LRBA: variants seen among roughly 807,000 people sequenced by gnomAD.
The protein encoded by LRBA is LPS responsive beige-like anchor protein, also known as lipopolysaccharide-responsive and beige-like anchor protein.
A neutral mutation model predicts 330.0 loss-of-function variants in LRBA; 176 were observed. The ratio of observed to expected loss-of-function variants is 0.53; its 90% CI spans 0.47 to 0.60. LRBA has a LOEUF of 0.60. LRBA is among the 20% of genes least tolerant of loss of function. LRBA has a pLI of 0.00. For synonymous variants in LRBA, 1,230 were observed against 1,193.0 expected, an observed-to-expected ratio of 1.03 and a Z score of -0.64; for missense variants, 3,259 against 3,444.8, an observed-to-expected ratio of 0.95 and a Z score of 1.35.
chr4:150,535,139 G>A (rs1269852046), intron 40 of LRBA, among the ~76,000 whole-genome samples: 1 of 151,750 alleles, frequency 6.6e-6, no homozygotes, highest in Non-Finnish European at 1.5e-5. Flanking sequence ...GTATTATTTT[G>A]TTTTGTTTTT....
intron 56 of LRBA, 67 bp downstream of exon 56, chr4:150,277,786 G>T: frequency 6.7e-7 from 1 of 1,483,210 alleles, no homozygotes. Flanking sequence ...ACAGGTGTAA[G>T]CCAACACGAC....
chr4:150,375,055 G>A (rs571754996), intron 47 of LRBA, among the ~76,000 whole-genome samples: 1 of 142,942 alleles, frequency 7.0e-6, no homozygotes, highest in Non-Finnish European at 1.5e-5. Context: ...CAACAAGAGG[G>A]CATATAACCC....
intron 53 of LRBA, among the ~76,000 whole-genome samples, chr4:150,288,564 G>A (rs886977181): frequency 6.6e-6 from 1 of 152,120 alleles, no homozygotes; most frequent in Non-Finnish European, 1.5e-5. Context: ...ACTCTAGCCT[G>A]GGCAACAGAG....
intron 40 of LRBA, among the ~76,000 whole-genome samples, chr4:150,540,543 T>G (rs1021459517): frequency 6.6e-6 from 1 of 152,214 alleles, no homozygotes; most frequent in African/African-American, 2.4e-5. Flanking sequence ...CATGCTATTG[T>G]TTTACAAAAT....
chr4:151,010,850 C>T (rs1225719487), intron 2 of LRBA, among the ~76,000 whole-genome samples: 1 of 145,674 alleles, frequency 6.9e-6, no homozygotes, highest in African/African-American at 2.6e-5. Context: ...CACCACTGCA[C>T]TCCAACCTGG....
intron 40 of LRBA, among the ~76,000 whole-genome samples, chr4:150,535,686 T>C (rs1764586212): frequency 6.6e-6 from 1 of 152,176 alleles, no homozygotes; most frequent in Admixed American, 6.5e-5. Flanking sequence ...CTTTTTAAAA[T>C]TGAAGATAGA....
chr4:150,553,297 T>A lies in LRBA; in HGVS notation c.6330+34751A>T, dbSNP rs556152902. Among the ~76,000 whole-genome samples, 5 of 151,636 alleles carry A rather than the reference T, an allele frequency of 3.3e-5. No homozygotes were observed. In the East Asian group the frequency reaches 9.7e-4, roughly 30 times the overall value. ...ACACTTGGACACAGGGAGGGGAACA[T>A]CACACACCAGGGCCTGTCGTGGGGT... On this transcript the variant is annotated intron_variant, in intron 40 of 56. Transcript: ENST00000651943.
At chr4:150,554,945 T>C (rs1477281250) in intron 40 of LRBA, among the ~76,000 whole-genome samples, 5 of 152,068 alleles carry the variant, frequency 3.3e-5, no homozygotes, top group Non-Finnish European at 4.4e-5. Flanking sequence ...AAAATAAGTA[T>C]TTTTTGGAAA....
At position 150,808,216 on chromosome 4, in the gene LRBA, AGAAATGAAAT is replaced by A. The variant is rs956152955; in HGVS notation, c.5384+94_5384+103del. 58 of 740,570 alleles carry A rather than the reference AGAAATGAAAT, an allele frequency of 7.8e-5. 1 individual carries two copies. Among genetic ancestry groups the A allele is most frequent in the South Asian group, 6.1e-4 (34 of 55,652 alleles). The allele number at this position is 740,570 out of a possible 1,614,324, so 45.9% of individuals were successfully genotyped here. A position where few individuals can be genotyped will look rare whatever the true frequency, so the allele number is the denominator to read the frequency against. On this transcript the variant is annotated intron_variant, in intron 32 of 56. Transcript: ENST00000651943. Reference sequence around the variant, plus strand: ...CTAAATGTCATATATGTTGAAAGAAAGAAATGAAATGAAATGAAATGAAACGAAGTAAAAT... The same window carrying A: ...CTAAATGTCATATATGTTGAAAGAAAGAAATGAAATGAAACGAAGTAAAAT...
chr4:150,891,117 GAAAC>G (rs1729415792), intron 17 of LRBA, among the ~76,000 whole-genome samples: 1 of 152,086 alleles, frequency 6.6e-6, no homozygotes, highest in Non-Finnish European at 1.5e-5. Context: ...TGTGTACAAA[GAAAC>G]AAACAAGTAT....
At chr4:150,579,441 T>C (rs1770956108) in intron 40 of LRBA, 1 of 418,710 alleles carries the variant, frequency 2.4e-6, no homozygotes, top group Non-Finnish European at 4.7e-6. Flanking sequence ...ATTGCTCGAA[T>C]GATGTTTCTA....
chr4:150,916,428 A>T lies in LRBA; in HGVS notation c.867T>A (p.Cys289Ter). The change falls in exon 7 of 57, where the codon TGT (cysteine) becomes TGA (stop). Residue 289 changes from cysteine to a stop codon, truncating the protein, a stop_gained. Transcript: ENST00000651943. LOFTEE classifies it high-confidence loss of function. ...TTTGTGGCTTGAAATCAAATTTCAC[A>T]CAGTGTTGAAAGCCTTTTCCTTTTG... ...IKSKGKGFQHCVKFDFKPQKW... is the reference protein window; with the variant it reads ...IKSKGKGFQH 1 of 1,613,218 alleles carries T rather than the reference A, an allele frequency of 6.2e-7. No individual in the cohort carries two copies. The highest frequency in any genetic ancestry group is 8.5e-7 in the Non-Finnish European group (1 of 1,179,646).
At chr4:150,444,575 C>T (rs1354432279) in intron 44 of LRBA, among the ~76,000 whole-genome samples, 1 of 152,082 alleles carries the variant, frequency 6.6e-6, no homozygotes, top group Non-Finnish European at 1.5e-5. Context: ...GGCACTTATC[C>T]TCACATGCTC....
chr4:150,431,014 T>C (rs1750311680), intron 46 of LRBA, among the ~76,000 whole-genome samples: 1 of 152,090 alleles, frequency 6.6e-6, no homozygotes, highest in African/African-American at 2.4e-5. Flanking sequence ...TGACAATAAA[T>C]TGCCTAGAAA....
At chr4:150,430,408 A>T (rs539102311) in intron 46 of LRBA, among the ~76,000 whole-genome samples, 8 of 152,294 alleles carry the variant, frequency 5.3e-5, no homozygotes, top group Admixed American at 2.6e-4. Context: ...TTCACAAAGC[A>T]GAAGGCCCCT....
chr4:150,435,534 C>A, intron 46 of LRBA, 55 bp downstream of exon 46: 1 of 1,533,312 alleles, frequency 6.5e-7, no homozygotes, highest in South Asian at 1.3e-5. Context: ...TTTCAACATT[C>A]ACTCAACAAG....
At chr4:150,859,837 G>A (rs1255296139) in intron 22 of LRBA, among the ~76,000 whole-genome samples, 2 of 151,942 alleles carry the variant, frequency 1.3e-5, no homozygotes, top group Non-Finnish European at 2.9e-5. Flanking sequence ...TATAAATTTG[G>A]GATATTGAGA....
intron 35 of LRBA, among the ~76,000 whole-genome samples, chr4:150,746,083 T>C (rs950637983): frequency 5.9e-5 from 9 of 152,214 alleles, no homozygotes; most frequent in African/African-American, 2.2e-4. Flanking sequence ...TGTCCTTACA[T>C]TTATCTAAAC....
intron 53 of LRBA, among the ~76,000 whole-genome samples, chr4:150,294,844 C>G (rs908024493): frequency 2.0e-5 from 3 of 151,966 alleles, no homozygotes; most frequent in Non-Finnish European, 2.9e-5. Flanking sequence ...CCCAGCTACT[C>G]GGGAGCTAAG....
Sources: allele counts gnomAD v4.1 joint callset (sites outside exome capture counted in the v4.1 genomes callset), GRCh38; gene constraint gnomAD v4.1.1; transcripts MANE v1.5; gene names NCBI Gene and HGNC (gene_info 2026-07-23, HGNC 2026-07-21).